The following FBXL17 variants were observed in gnomAD, a reference collection of about 807,000 sequenced individuals.
FBXL17 encodes F-box/LRR-repeat protein 17.
Under a neutral mutation model 66.2 loss-of-function variants are expected in FBXL17, and 22 were observed. The observed-to-expected ratio is 0.33, with a 90% confidence interval of 0.24 to 0.47. The LOEUF is 0.47. FBXL17 is among the 20% of genes least tolerant of loss of function. The pLI, the probability that FBXL17 is intolerant of heterozygous loss-of-function variation, is 1.00. For synonymous variants in FBXL17, 474 were observed against 400.5 expected, an observed-to-expected ratio of 1.18 and a Z score of -2.19; for missense variants, 878 against 948.2, an observed-to-expected ratio of 0.93 and a Z score of 0.97.
chr5:108,075,662 A>T (rs1748515133), intron 6 of FBXL17, among the ~76,000 whole-genome samples: 2 of 152,138 alleles, frequency 1.3e-5, no homozygotes, highest in South Asian at 4.1e-4. Flanking sequence ...TTTTTAGTAG[A>T]GATGGGGTTT....
chr5:108,348,374 T>C (rs1401804564), intron 4 of FBXL17, 25 bp downstream of exon 4: 2 of 1,600,876 alleles, frequency 1.2e-6, no homozygotes, highest in Non-Finnish European at 8.5e-7. Flanking sequence ...AAATGAACAA[T>C]ACAAGGATGA....
intron 7 of FBXL17, among the ~76,000 whole-genome samples, chr5:107,918,990 A>C (rs1580711596): frequency 6.6e-6 from 1 of 152,160 alleles, no homozygotes; most frequent in East Asian, 1.9e-4. Flanking sequence ...TGTGTGATGA[A>C]CCTGGGTGTC....
intron 4 of FBXL17, among the ~76,000 whole-genome samples, chr5:108,259,078 A>G (rs573998996): frequency 8.5e-5 from 13 of 152,196 alleles, no homozygotes; most frequent in South Asian, 4.2e-4. Flanking sequence ...CCCTTGAACA[A>G]TAAGTCTTCG....
chr5:107,878,498 G>A (rs1300599395), intron 8 of FBXL17: 2 of 713,046 alleles, frequency 2.8e-6, no homozygotes, highest in Non-Finnish European at 3.4e-6. Flanking sequence ...GGCACTGAGA[G>A]GTTAGTAACT....
At chr5:108,240,556 T>C (rs1755811778) in intron 4 of FBXL17, among the ~76,000 whole-genome samples, 1 of 152,120 alleles carries the variant, frequency 6.6e-6, no homozygotes, top group Admixed American at 6.6e-5. Flanking sequence ...GAACACCAAG[T>C]AGGTTCCTAA....
intron 8 of FBXL17, 127 bp downstream of exon 8, chr5:107,880,910 T>C (rs922890180): frequency 6.8e-6 from 10 of 1,466,272 alleles, no homozygotes; most frequent in African/African-American, 2.8e-5. Flanking sequence ...ATTGCATATA[T>C]ACATATAAAA....
intron 7 of FBXL17, among the ~76,000 whole-genome samples, chr5:107,904,120 C>T (rs190685493): frequency 6.6e-4 from 100 of 152,280 alleles, no homozygotes; most frequent in Non-Finnish European, 9.1e-4. Flanking sequence ...TGCATTTCTG[C>T]CTCCGGGGCT....
rs932819874 is a variant in FBXL17 at position 107,860,202 on chromosome 5, T to A, written c.*1518A>T. On this transcript the variant is annotated 3_prime_UTR_variant, in exon 9 of 9. Coordinates refer to ENST00000542267, the MANE Select transcript of FBXL17 (RefSeq NM_001163315.3). ...GCTATCTTGTTTCTTACAGCTAATG[T>A]CATGTTAGCAATGTGAGACTTAAAG... The A allele has an allele frequency of 3.3e-5, 5 of 152,644 alleles. No individual in the cohort carries two copies. The highest frequency in any genetic ancestry group is 1.2e-4 in the African/African-American group (5 of 41,468). 9.5% of individuals were successfully genotyped at this position (152,644 alleles called of 1,614,324 possible).
At position 108,287,208 on chromosome 5, in the gene FBXL17, C is replaced by T. The variant is rs142111848; in HGVS notation, c.1506+61191G>A. On this transcript the variant is annotated intron_variant, in intron 4 of 8. Coordinates refer to ENST00000542267, the MANE Select transcript of FBXL17 (RefSeq NM_001163315.3). ...AAGAAATACTATTTTGGACATAGGA[C>T]CTGGCAAAGATTTCATGACAAAGAT... is the stretch of plus-strand genomic sequence containing the variant. Among the ~76,000 whole-genome samples, 424 of 151,814 alleles carry T rather than the reference C, an allele frequency of 2.8e-3. 4 individuals are homozygous for T. Among genetic ancestry groups the T allele is most frequent in the African/African-American group, 9.7e-3 (402 of 41,458 alleles).
At chr5:107,971,119 G>GCT (rs1752355656) in intron 7 of FBXL17, among the ~76,000 whole-genome samples, 1 of 152,136 alleles carries the variant, frequency 6.6e-6, no homozygotes, top group Non-Finnish European at 1.5e-5. Flanking sequence ...TGAGCATAAT[G>GCT]CAAATTACAT....
rs202098073 is a variant in FBXL17 at position 108,180,034 on chromosome 5, CA to C, written c.1745+6082del. 7.4e-3 allele frequency among the ~76,000 whole-genome samples: 1,120 copies of C among 152,200 alleles called. 15 individuals are homozygous for C. Among genetic ancestry groups the C allele is most frequent in the African/African-American group, 0.025 (1,033 of 41,532 alleles). On this transcript the variant is annotated intron_variant, in intron 6 of 8. Coordinates refer to ENST00000542267, the MANE Select transcript of FBXL17 (RefSeq NM_001163315.3). ...TGCGGGCCTAGTATTCTTGGGTCCA[CA>C]ACTTTTCCAAAAGCCTGAATTCAGA...
intron 7 of FBXL17, among the ~76,000 whole-genome samples, chr5:107,996,410 GT>G (rs1753472609): frequency 6.6e-6 from 1 of 152,172 alleles, no homozygotes. Context: ...TGCCTCCTGG[GT>G]TCAAGTGAGT....
At chr5:108,099,007 A>C (rs924029322) in intron 6 of FBXL17, among the ~76,000 whole-genome samples, 1 of 152,182 alleles carries the variant, frequency 6.6e-6, no homozygotes, top group Non-Finnish European at 1.5e-5. Context: ...GCAATAGATA[A>C]GAGCAGAGTC....
At position 108,164,474 on chromosome 5, in the gene FBXL17, C is replaced by T. The variant is rs114211737; in HGVS notation, c.1745+21643G>A. 2.8e-3 allele frequency among the ~76,000 whole-genome samples: 427 copies of T among 152,190 alleles called. 2 individuals carry two copies. The highest frequency in any genetic ancestry group is 1.0e-2 in the African/African-American group (415 of 41,538). On this transcript the variant is annotated intron_variant, in intron 6 of 8. Transcript: ENST00000542267. The stretch of plus-strand genomic sequence containing the variant: ...AATTATGCAACTTTCATTTACTTAA[C>T]GTCTTATTTCCTCCAGTATATGGCA...
intron 7 of FBXL17, among the ~76,000 whole-genome samples, chr5:107,943,282 T>A (rs1429608639): frequency 6.6e-6 from 1 of 152,072 alleles, no homozygotes; most frequent in Non-Finnish European, 1.5e-5. Context: ...CTGAAATACA[T>A]CCTGTTTTCT....
chr5:108,252,027 T>C (rs1257563589), intron 4 of FBXL17, among the ~76,000 whole-genome samples: 1 of 152,074 alleles, frequency 6.6e-6, no homozygotes, highest in Non-Finnish European at 1.5e-5. Flanking sequence ...ACATGGACAA[T>C]AACCATGATA....
At chr5:108,373,953 TAA>T (rs1040443847) in intron 1 of FBXL17, among the ~76,000 whole-genome samples, 1 of 152,062 alleles carries the variant, frequency 6.6e-6, no homozygotes, top group African/African-American at 2.4e-5. Context: ...GGATAAAATG[TAA>T]AAACACAATC....
At chr5:108,102,021 G>A (rs1030566747) in intron 6 of FBXL17, among the ~76,000 whole-genome samples, 2 of 152,202 alleles carry the variant, frequency 1.3e-5, no homozygotes, top group Non-Finnish European at 2.9e-5. Flanking sequence ...CAATTGGTGC[G>A]GCAGGGAATT....
At chr5:108,319,411 G>T (rs1052982296) in intron 4 of FBXL17, among the ~76,000 whole-genome samples, 1 of 151,712 alleles carries the variant, frequency 6.6e-6, no homozygotes, top group Non-Finnish European at 1.5e-5. Flanking sequence ...TATCATTAGG[G>T]AGAGGTTATA....
Sources: gnomAD v4.1 joint callset for allele counts (sites outside exome capture counted in the v4.1 genomes callset) on GRCh38, gnomAD v4.1.1 for gene constraint, MANE v1.5 for transcripts, NCBI Gene and HGNC (gene_info 2026-07-23, HGNC 2026-07-21) for gene names.